Variants in LAMA2 observed in about 807,000 individuals in gnomAD.
LAMA2 encodes laminin subunit alpha-2.
LAMA2 carries 269 observed loss-of-function variants against 364.8 expected under a neutral mutation model. The ratio of observed to expected loss-of-function variants is 0.74; its 90% confidence interval spans 0.67 to 0.82. The LOEUF (loss-of-function observed/expected upper bound fraction) is 0.82, where lower values mean the gene tolerates loss of function less well. LAMA2 is among the 40% of genes least tolerant of loss of function. LAMA2 has a pLI of 0.00. For synonymous variants in LAMA2, 1,379 were observed against 1,370.6 expected (o/e 1.01, Z -0.14); for missense variants, 3,807 against 3,873.2 (o/e 0.98, Z 0.45).
intron 12 of LAMA2, among the ~76,000 whole-genome samples, chr6:129,233,954 C>A (rs1784830911): frequency 6.6e-6 from 1 of 152,162 alleles, no homozygotes; most frequent in Admixed American, 6.5e-5. Context: ...TGTTGTGAGA[C>A]AAATTTTGAC....
At chr6:129,470,074 T>G (rs1036865751) in intron 51 of LAMA2, among the ~76,000 whole-genome samples, 4 of 151,848 alleles carry the variant, frequency 2.6e-5, no homozygotes, top group African/African-American at 9.7e-5. Flanking sequence ...ATGGTTTAAA[T>G]TATAGCATGT....
chr6:128,970,752 C>T (rs1782140607), intron 1 of LAMA2, among the ~76,000 whole-genome samples: 1 of 152,084 alleles, frequency 6.6e-6, no homozygotes, highest in Admixed American at 6.6e-5. Flanking sequence ...ATAGAATTAC[C>T]ATCACTAAGT....
At chr6:129,147,359 G>A (rs1004371253) in intron 6 of LAMA2, among the ~76,000 whole-genome samples, 9 of 148,342 alleles carry the variant, frequency 6.1e-5, no homozygotes, top group African/African-American at 1.3e-4. Context: ...TTTAGAGAAC[G>A]CCTGCCATCA....
chr6:129,315,560 C>A lies in LAMA2; in HGVS notation c.3640C>A (p.His1214Asn). 1 of 1,614,182 alleles carries A rather than the reference C, an allele frequency of 6.2e-7. No individual in the cohort carries two copies. Among genetic ancestry groups the A allele is most frequent in the East Asian group, 2.2e-5 (1 of 44,894 alleles). The change falls in exon 25 of 65, where the codon CAT (histidine) becomes AAT (asparagine). Residue 1214 changes from histidine to asparagine, a missense_variant. By Grantham distance (68) the His-to-Asn change is moderately conservative. This residue lies in a region of LAMA2 where 3,333 missense variants were observed against 3,345.7 expected (regional missense o/e 1.00). Transcript: ENST00000421865. The stretch of plus-strand genomic sequence containing the variant: ...GACCACCAAGGGCATTGTTTTTCAA[C>A]ATCCAGAGATTGTTGCCCACATGGA... ...HTTTKGIVFQ[H>N]PEIVAHMDLM...
intron 8 of LAMA2, chr6:129,157,638 G>A: frequency 6.2e-7 from 1 of 1,612,106 alleles, no homozygotes. Context: ...CTTCAAAACT[G>A]CTCGTAGACA....
At chr6:129,099,925 G>T (rs201167089) in intron 4 of LAMA2, among the ~76,000 whole-genome samples, 2 of 152,186 alleles carry the variant, frequency 1.3e-5, no homozygotes, top group Admixed American at 1.3e-4. Flanking sequence ...GGCCAGTTTG[G>T]CCTGAGGATA....
At chr6:129,099,114 G>GTT (rs766080944) in intron 4 of LAMA2, among the ~76,000 whole-genome samples, 36 of 109,368 alleles carry the variant, frequency 3.3e-4, no homozygotes, top group African/African-American at 8.6e-4. Flanking sequence ...GGGCGGGGAG[G>GTT]TTTTTTTTTT....
intron 3 of LAMA2, among the ~76,000 whole-genome samples, chr6:129,083,423 T>C (rs564010373): frequency 6.6e-6 from 1 of 152,326 alleles, no homozygotes; most frequent in South Asian, 2.1e-4. Context: ...GCCCACAATG[T>C]TGCCTTTCAA....
chr6:129,006,457 T>A (rs1784445470), intron 1 of LAMA2, among the ~76,000 whole-genome samples: 1 of 152,132 alleles, frequency 6.6e-6, no homozygotes, highest in Non-Finnish European at 1.5e-5. Flanking sequence ...TGACCTCTCA[T>A]CTCTTCCGTT....
At chr6:129,352,416 T>C (rs988513554) in intron 31 of LAMA2, among the ~76,000 whole-genome samples, 1 of 152,220 alleles carries the variant, frequency 6.6e-6, no homozygotes, top group African/African-American at 2.4e-5. Flanking sequence ...TTGCATATCA[T>C]TAACCCACTT....
At position 129,315,820 on chromosome 6, in the gene LAMA2, C is replaced by T. The variant is rs772561287; in HGVS notation, c.3794C>T (p.Thr1265Ile). 6 of 1,614,068 alleles carry T rather than the reference C, an allele frequency of 3.7e-6. No individual in the cohort carries two copies. Residue 1265 changes from threonine to isoleucine, a missense_variant, in exon 26 of 65, where the codon ACA becomes ATA. By Grantham distance (89) the Thr-to-Ile change is moderately conservative. Transcript: ENST00000421865. ...ATCTATTTCGAGGCTCGGGAAGAAACAGGTTTCTCTACATATAATCCTCAA... is the reference window on the plus strand; with the variant it reads ...ATCTATTTCGAGGCTCGGGAAGAAATAGGTTTCTCTACATATAATCCTCAA... The part of the protein sequence containing the change: ...YAIYFEAREE[T>I]GFSTYNPQVI...
At chr6:128,907,737 T>G (rs900682494) in intron 1 of LAMA2, among the ~76,000 whole-genome samples, 6 of 152,152 alleles carry the variant, frequency 3.9e-5, no homozygotes, top group Admixed American at 2.6e-4. Context: ...ATGCTTCCAG[T>G]TTTTGCCAAT....
At chr6:129,354,853 T>C (rs1464746017) in intron 32 of LAMA2, among the ~76,000 whole-genome samples, 1 of 152,164 alleles carries the variant, frequency 6.6e-6, no homozygotes, top group African/African-American at 2.4e-5. Flanking sequence ...TTTGAATACA[T>C]TTATCATTAG....
chr6:128,908,287 C>G (rs1777638097), intron 1 of LAMA2, among the ~76,000 whole-genome samples: 1 of 152,004 alleles, frequency 6.6e-6, no homozygotes, highest in African/African-American at 2.4e-5. Flanking sequence ...GGTTGGTAAG[C>G]TATTGATTAT....
intron 29 of LAMA2, among the ~76,000 whole-genome samples, chr6:129,331,352 C>A (rs1006536811): frequency 1.3e-4 from 20 of 151,918 alleles, no homozygotes; most frequent in Non-Finnish European, 2.5e-4. Flanking sequence ...CATACCTCCC[C>A]CTCCATCCTC....
chr6:129,224,187 A>G (rs1292802769), intron 12 of LAMA2, among the ~76,000 whole-genome samples: 1 of 152,132 alleles, frequency 6.6e-6, no homozygotes, highest in Non-Finnish European at 1.5e-5. Context: ...ATTTTTCTAC[A>G]TTGATTTTGT....
At chr6:129,312,504 A>G (rs1364204704) in intron 22 of LAMA2, among the ~76,000 whole-genome samples, 1 of 152,210 alleles carries the variant, frequency 6.6e-6, no homozygotes, top group East Asian at 1.9e-4. Context: ...AAATGCTACA[A>G]TTATGAGATA....
At chr6:129,250,749 C>T (rs1254242979) in intron 13 of LAMA2, among the ~76,000 whole-genome samples, 1 of 152,106 alleles carries the variant, frequency 6.6e-6, no homozygotes, top group Non-Finnish European at 1.5e-5. Flanking sequence ...TCCTTAGAGG[C>T]TCTCTGCCAC....
At chr6:129,490,416 G>C (rs1784802411) in intron 56 of LAMA2, among the ~76,000 whole-genome samples, 1 of 152,160 alleles carries the variant, frequency 6.6e-6, no homozygotes, top group East Asian at 1.9e-4. Flanking sequence ...AAAAAAATAA[G>C]GGTCACTATG....
Sources: allele counts gnomAD v4.1 joint callset (sites outside exome capture counted in the v4.1 genomes callset), GRCh38; gene constraint gnomAD v4.1.1; regional missense constraint gnomAD v4.1.1; transcripts MANE v1.5; gene names NCBI Gene and HGNC (gene_info 2026-07-23, HGNC 2026-07-21).